The following CAST variants were observed in gnomAD, a reference collection of about 807,000 sequenced individuals.
CAST encodes the protein calpastatin, also known as MIR583 host.
In CAST, 76 loss-of-function variants were observed where a neutral mutation model predicts 119.6. The observed-to-expected ratio is 0.64, with a 90% CI of 0.53 to 0.77. The LOEUF (loss-of-function observed/expected upper bound fraction) is 0.77. Ranked by LOEUF, CAST falls within the 30% of genes least tolerant of loss-of-function variation. The pLI, the probability that CAST is intolerant of heterozygous loss-of-function variation, is 0.00. For synonymous variants in CAST, 319 were observed against 331.6 expected, an observed-to-expected ratio of 0.96 and a Z score of 0.41; for missense variants, 953 against 946.5, an observed-to-expected ratio of 1.01 and a Z score of -0.09.
the CAST span, among the ~76,000 whole-genome samples, chr5:96,227,135 G>T: frequency 6.6e-6 from 1 of 152,184 alleles, no homozygotes; most frequent in African/African-American, 2.4e-5. Flanking sequence ...GAGTGAGGGG[G>T]AGGGTGCTTT....
the CAST span, among the ~76,000 whole-genome samples, chr5:96,230,895 G>A: frequency 9.9e-5 from 15 of 152,194 alleles, no homozygotes; most frequent in African/African-American, 2.9e-4. Flanking sequence ...AAAGATGTTC[G>A]ACATCATTAG....
chr5:96,672,687 A>G (rs991261631), intron 1 of CAST, among the ~76,000 whole-genome samples: 2 of 145,048 alleles, frequency 1.4e-5, no homozygotes, highest in African/African-American at 5.2e-5. Flanking sequence ...AGCCTGGGTG[A>G]CAGAGTGAGA....
At chr5:96,306,896 C>A in the CAST span, among the ~76,000 whole-genome samples, 3 of 152,064 alleles carry the variant, frequency 2.0e-5, no homozygotes, top group African/African-American at 7.2e-5. Flanking sequence ...AGAATCAGTG[C>A]AATGTGGTGC....
upstream of CAST, among the ~76,000 whole-genome samples, chr5:96,526,106 T>C (rs573993297): frequency 6.6e-6 from 1 of 152,306 alleles, no homozygotes; most frequent in Admixed American, 6.5e-5. Flanking sequence ...TCTCAAGAGA[T>C]TTTTTCTTCT....
At chr5:96,649,385 A>T (rs1414406518) in intron 1 of CAST, among the ~76,000 whole-genome samples, 2 of 152,210 alleles carry the variant, frequency 1.3e-5, no homozygotes, top group Non-Finnish European at 1.5e-5. Flanking sequence ...TTCTTCTCTC[A>T]TGAAAGAATT....
intron 1 of CAST, among the ~76,000 whole-genome samples, chr5:96,633,955 A>T (rs1217095081): frequency 6.6e-6 from 1 of 152,222 alleles, no homozygotes; most frequent in Non-Finnish European, 1.5e-5. Context: ...AGCCAATTAG[A>T]ACAACTCATG....
intron 2 of CAST, among the ~76,000 whole-genome samples, chr5:96,680,069 G>A (rs1311454742): frequency 6.6e-6 from 1 of 151,806 alleles, no homozygotes; most frequent in Non-Finnish European, 1.5e-5. Context: ...AAACACCCTT[G>A]GCCAGGCGTG....
At chr5:96,492,395 A>G in the CAST span, among the ~76,000 whole-genome samples, 1 of 152,196 alleles carries the variant, frequency 6.6e-6, no homozygotes, top group African/African-American at 2.4e-5. Flanking sequence ...TGTATGTTTT[A>G]CATTTTCTAT....
chr5:96,488,249 G>C, the CAST span, among the ~76,000 whole-genome samples: 2 of 152,086 alleles, frequency 1.3e-5, no homozygotes, highest in South Asian at 4.1e-4. Context: ...GAGAATTGTA[G>C]TCCCTTTTCC....
chr5:96,215,761 A>G, the CAST span, among the ~76,000 whole-genome samples: 1 of 152,006 alleles, frequency 6.6e-6, no homozygotes, highest in African/African-American at 2.4e-5. Context: ...ATGATGATCC[A>G]TTTTCACCTA....
At chr5:96,771,593 A>T in intron 30 of CAST, 51 bp from the exon 31 acceptor site, 9 of 1,479,414 alleles carry the variant, frequency 6.1e-6, no homozygotes, top group Non-Finnish European at 8.5e-6. Flanking sequence ...CCATCTCCTC[A>T]TACTTAATAC....
chr5:96,550,597 T>C (rs533588582), intron 1 of CAST, among the ~76,000 whole-genome samples: 54 of 152,212 alleles, frequency 3.5e-4, no homozygotes, highest in African/African-American at 1.2e-3. Flanking sequence ...CTTCAGAAGG[T>C]TGGTAATAAT....
chr5:96,407,456 G>A, the CAST span, among the ~76,000 whole-genome samples: 1 of 152,102 alleles, frequency 6.6e-6, no homozygotes, highest in Non-Finnish European at 1.5e-5. Context: ...TTTGACAAGG[G>A]TTTTGGAAAC....
chr5:96,431,829 A>G, the CAST span, among the ~76,000 whole-genome samples: 2 of 152,156 alleles, frequency 1.3e-5, no homozygotes, highest in Non-Finnish European at 2.9e-5. Context: ...AAAATGTTTT[A>G]CAACTGCCTC....
At chr5:96,176,598 G>A in the CAST span, among the ~76,000 whole-genome samples, 7 of 152,274 alleles carry the variant, frequency 4.6e-5, no homozygotes, top group South Asian at 1.0e-3. Flanking sequence ...GAAGTCACAG[G>A]TTAACACCAA....
intron 11 of CAST, among the ~76,000 whole-genome samples, chr5:96,739,636 A>T (rs1308718310): frequency 6.6e-6 from 1 of 152,194 alleles, no homozygotes; most frequent in Non-Finnish European, 1.5e-5. Flanking sequence ...TGAGAATGCT[A>T]AACAGGAGAC....
the CAST span, among the ~76,000 whole-genome samples, chr5:96,418,826 T>C: frequency 6.6e-6 from 1 of 152,194 alleles, no homozygotes; most frequent in South Asian, 2.1e-4. Flanking sequence ...TTGCTCATTA[T>C]GTCATTTCCA....
At chr5:96,152,567 A>G in the CAST span, among the ~76,000 whole-genome samples, 1 of 152,204 alleles carries the variant, frequency 6.6e-6, no homozygotes, top group African/African-American at 2.4e-5. Flanking sequence ...GACACATCTC[A>G]CAATCACATA....
intron 1 of CAST, among the ~76,000 whole-genome samples, chr5:96,557,003 G>C (rs201309844): frequency 1.3e-5 from 2 of 151,872 alleles, no homozygotes; most frequent in African/African-American, 4.8e-5. Flanking sequence ...AGAATAACAG[G>C]GGATCTCTCG....
Sources: gnomAD v4.1 joint callset for allele counts (sites outside exome capture counted in the v4.1 genomes callset) on GRCh38, gnomAD v4.1.1 for gene constraint, MANE v1.5 for transcripts, NCBI Gene and HGNC (gene_info 2026-07-23, HGNC 2026-07-21) for gene names.